The following RIC1 variants were observed in gnomAD, a reference collection of about 807,000 sequenced individuals.
RIC1 encodes guanine nucleotide exchange factor subunit RIC1.
A neutral mutation model predicts 169.0 loss-of-function variants in RIC1; 88 were observed. The observed-to-expected ratio is 0.52, with a 90% CI of 0.44 to 0.62. The LOEUF (loss-of-function observed/expected upper bound fraction) is 0.62. Among genes scored for constraint, RIC1 ranks in the 20% least tolerant of loss-of-function variants. The probability of loss-of-function intolerance (pLI) is 0.00; values close to 1 mark genes in which losing one functional copy is unlikely to be tolerated. For missense variants in RIC1, 1,877 were observed against 1,725.5 expected (o/e 1.09, Z -1.56); for synonymous variants, 790 against 601.5 (o/e 1.31, Z -4.59).
At chr9:5,661,387 T>C (rs1041647101) in intron 2 of RIC1, among the ~76,000 whole-genome samples, 2 of 152,224 alleles carry the variant, frequency 1.3e-5, no homozygotes, top group Middle Eastern at 3.2e-3. Context: ...AGTGGTAGTT[T>C]AATGGGGATA....
intron 2 of RIC1, among the ~76,000 whole-genome samples, chr9:5,657,010 A>G (rs1453462473): frequency 1.3e-5 from 2 of 150,476 alleles, no homozygotes; most frequent in Admixed American, 6.6e-5. Context: ...TACTCCTACT[A>G]TAGCTTCTGT....
intron 2 of RIC1, among the ~76,000 whole-genome samples, chr9:5,665,358 T>G (rs188191239): frequency 2.9e-4 from 44 of 152,308 alleles, no homozygotes; most frequent in Admixed American, 1.8e-3. Flanking sequence ...TTTGTCATGT[T>G]TCTTACTTTG....
At chr9:5,691,376 A>G (rs1821582788) in intron 3 of RIC1, among the ~76,000 whole-genome samples, 1 of 151,990 alleles carries the variant, frequency 6.6e-6, no homozygotes, top group African/African-American at 2.4e-5. Context: ...ATTTTCAACT[A>G]GTTAGATTTT....
intron 3 of RIC1, among the ~76,000 whole-genome samples, chr9:5,706,288 T>C (rs868834290): frequency 6.6e-6 from 1 of 152,024 alleles, no homozygotes; most frequent in South Asian, 2.1e-4. Context: ...TGAAACTGCA[T>C]CTAAAATAAA....
intron 6 of RIC1, among the ~76,000 whole-genome samples, chr9:5,728,351 G>A (rs1824133356): frequency 6.6e-6 from 1 of 152,266 alleles, no homozygotes; most frequent in African/African-American, 2.4e-5. Flanking sequence ...CCAGGCGCAG[G>A]ATATAATCTC....
intron 6 of RIC1, among the ~76,000 whole-genome samples, chr9:5,728,361 C>G (rs1179558288): frequency 6.6e-6 from 1 of 152,240 alleles, no homozygotes; most frequent in Non-Finnish European, 1.5e-5. Flanking sequence ...GATATAATCT[C>G]CTGGTGTGCT....
chr9:5,745,443 A>G (rs1825320778), intron 10 of RIC1, among the ~76,000 whole-genome samples: 2 of 152,150 alleles, frequency 1.3e-5, no homozygotes, highest in Admixed American at 6.6e-5. Flanking sequence ...AGCTTGGCCA[A>G]GGTAATATAT....
chr9:5,766,056 G>T (rs1826718559), intron 21 of RIC1, among the ~76,000 whole-genome samples: 1 of 151,728 alleles, frequency 6.6e-6, no homozygotes, highest in South Asian at 2.1e-4. Flanking sequence ...TAACAAACTT[G>T]TTTAAGACAG....
At chr9:5,721,570 A>G (rs1313013539) in intron 6 of RIC1, among the ~76,000 whole-genome samples, 1 of 152,226 alleles carries the variant, frequency 6.6e-6, no homozygotes, top group Non-Finnish European at 1.5e-5. Context: ...GGAAACGGCA[A>G]ACGGGCAGTT....
At chr9:5,776,807 G>C (rs1827614589), downstream of RIC1, among the ~76,000 whole-genome samples, 1 of 151,870 alleles carries the variant, frequency 6.6e-6, no homozygotes, top group Admixed American at 6.6e-5. Context: ...AGGAATGACA[G>C]AAAATTATGT....
intron 22 of RIC1, chr9:5,769,492 A>T: frequency 7.1e-7 from 1 of 1,412,452 alleles, no homozygotes; most frequent in South Asian, 1.5e-5. Flanking sequence ...AAATCTAATC[A>T]TACTTGGATT....
At chr9:5,732,326 T>C in intron 6 of RIC1, 62 bp from the exon 7 acceptor site, 1 of 1,256,152 alleles carries the variant, frequency 8.0e-7, no homozygotes, top group Non-Finnish European at 1.1e-6. Flanking sequence ...AGGAGAATTA[T>C]ATTGACTACG....
chr9:5,678,622 G>GT (rs1423268898), intron 2 of RIC1, among the ~76,000 whole-genome samples: 2 of 152,022 alleles, frequency 1.3e-5, no homozygotes, highest in East Asian at 1.9e-4. Context: ...TTTTTCATGT[G>GT]TTTTTTGGCT....
At position 5,629,120 on chromosome 9, in the gene RIC1, T is replaced by A. The variant is rs1460418447; in HGVS notation, c.-190T>A. 3 of 371,010 alleles carry A rather than the reference T, an allele frequency of 8.1e-6. No homozygotes were observed. The highest frequency in any genetic ancestry group is 1.3e-5 in the Non-Finnish European group (3 of 223,526). The allele number at this position is 371,010 out of a possible 1,614,324, so 23.0% of individuals were successfully genotyped here. On this transcript the variant is annotated 5_prime_UTR_variant, in exon 1 of 26. Coordinates refer to ENST00000414202, the MANE Select transcript of RIC1 (RefSeq NM_020829.4). ...CTTCCCTCCCCCACACTCGGCCCCG[T>A]CAGCTTGGGGGTGCCTTCGTCGCGC...
At chr9:5,650,961 A>C (rs1818769029) in intron 1 of RIC1, among the ~76,000 whole-genome samples, 1 of 152,178 alleles carries the variant, frequency 6.6e-6, no homozygotes, top group African/African-American at 2.4e-5. Context: ...TCTTGTGCTC[A>C]AGGGCAGGAT....
chr9:5,696,262 T>A (rs1321416153), intron 3 of RIC1, among the ~76,000 whole-genome samples: 1 of 152,174 alleles, frequency 6.6e-6, no homozygotes, highest in Non-Finnish European at 1.5e-5. Flanking sequence ...TAACAATTTT[T>A]TTTTTTTTCC....
intron 9 of RIC1, among the ~76,000 whole-genome samples, chr9:5,743,341 G>A (rs1416786778): frequency 6.6e-6 from 1 of 152,086 alleles, no homozygotes; most frequent in Non-Finnish European, 1.5e-5. Context: ...ATAAATAGTA[G>A]AAAGTTACGT....
chr9:5,772,458 C>G, intron 23 of RIC1, 106 bp from the exon 24 acceptor site: 1 of 889,286 alleles, frequency 1.1e-6, no homozygotes, highest in Non-Finnish European at 1.7e-6. Flanking sequence ...GTTTTAGTTT[C>G]AAGATCCTGA....
intron 6 of RIC1, 33 bp downstream of exon 6, chr9:5,720,783 T>A: frequency 6.6e-7 from 1 of 1,516,166 alleles, no homozygotes; most frequent in Non-Finnish European, 8.9e-7. Context: ...GGTTTTTTGT[T>A]ATTGTGTACT....
Sources: allele counts gnomAD v4.1 joint callset (sites outside exome capture counted in the v4.1 genomes callset), GRCh38; gene constraint gnomAD v4.1.1; transcripts MANE v1.5; gene names NCBI Gene and HGNC (gene_info 2026-07-23, HGNC 2026-07-21).